CHRM3: variants seen among roughly 807,000 people sequenced by gnomAD.
CHRM3 encodes the protein muscarinic acetylcholine receptor M3.
A neutral mutation model predicts 41.8 loss-of-function variants in CHRM3; 11 were observed. That is an observed-to-expected ratio of 0.26 (90% CI 0.17 to 0.44). CHRM3 has a LOEUF of 0.44. Ranked by LOEUF, CHRM3 falls within the 20% of genes least tolerant of loss-of-function variation. The pLI is 1.00. For synonymous variants in CHRM3, 297 were observed against 301.4 expected, an observed-to-expected ratio of 0.99 and a Z score of 0.15; for missense variants, 571 against 745.4, an observed-to-expected ratio of 0.77 and a Z score of 2.72.
At chr1:239,665,905 TC>T (rs1388223058) in intron 4 of CHRM3, among the ~76,000 whole-genome samples, 1 of 152,230 alleles carries the variant, frequency 6.6e-6, no homozygotes, top group Non-Finnish European at 1.5e-5. Flanking sequence ...ATTTTCTTTA[TC>T]CAATCTATCA....
chr1:239,878,510 T>A (rs1198076863), intron 6 of CHRM3, among the ~76,000 whole-genome samples: 1 of 151,964 alleles, frequency 6.6e-6, no homozygotes, highest in Non-Finnish European at 1.5e-5. Flanking sequence ...GTGGCCCAGT[T>A]CCTAACAGGC....
At chr1:239,457,294 C>G (rs1362580816) in intron 1 of CHRM3, among the ~76,000 whole-genome samples, 1 of 152,130 alleles carries the variant, frequency 6.6e-6, no homozygotes, top group Admixed American at 6.5e-5. Flanking sequence ...ATAAACCTCT[C>G]AATATGATGC....
intron 5 of CHRM3, among the ~76,000 whole-genome samples, chr1:239,722,777 T>C (rs1572098686): frequency 1.3e-5 from 2 of 152,088 alleles, no homozygotes; most frequent in South Asian, 4.1e-4. Flanking sequence ...TATGCATTTA[T>C]GGTTAAGAAC....
At chr1:239,702,756 A>G (rs1166129504) in intron 5 of CHRM3, among the ~76,000 whole-genome samples, 1 of 152,350 alleles carries the variant, frequency 6.6e-6, no homozygotes, top group East Asian at 1.9e-4. Context: ...GATTATAGGC[A>G]TGTGCCACCA....
At chr1:239,476,188 G>C (rs1251685357) in intron 1 of CHRM3, among the ~76,000 whole-genome samples, 6 of 152,040 alleles carry the variant, frequency 3.9e-5, no homozygotes, top group Admixed American at 3.9e-4. Context: ...TGGTCTGGCC[G>C]GGCACGGTGG....
chr1:239,688,627 A>AATATATAAT (rs1349296998), intron 5 of CHRM3, among the ~76,000 whole-genome samples: 1 of 132,848 alleles, frequency 7.5e-6, no homozygotes, highest in Non-Finnish European at 1.6e-5. Context: ...TACTCAGTAT[A>AATATATAAT]ATACATAATA....
At chr1:239,855,726 A>C (rs1341680641) in intron 6 of CHRM3, among the ~76,000 whole-genome samples, 1 of 152,158 alleles carries the variant, frequency 6.6e-6, no homozygotes, top group Admixed American at 6.5e-5. Flanking sequence ...AAGCATTTTC[A>C]TACATAATGA....
At chr1:239,520,091 T>A (rs557365759) in intron 2 of CHRM3, among the ~76,000 whole-genome samples, 1 of 152,332 alleles carries the variant, frequency 6.6e-6, no homozygotes, top group Non-Finnish European at 1.5e-5. Context: ...AAATACCAAA[T>A]GTTTAACTCA....
At chr1:239,803,512 T>C (rs150978171) in intron 5 of CHRM3, among the ~76,000 whole-genome samples, 6 of 152,304 alleles carry the variant, frequency 3.9e-5, no homozygotes, top group African/African-American at 1.4e-4. Context: ...ATTATATCAG[T>C]ATGTTAGGCA....
chr1:239,525,809 G>T (rs1669957235), intron 2 of CHRM3, among the ~76,000 whole-genome samples: 1 of 152,324 alleles, frequency 6.6e-6, no homozygotes, highest in African/African-American at 2.4e-5. Flanking sequence ...GTAGGCAAAA[G>T]ATGTAAATGC....
At chr1:239,766,467 C>A (rs986446340) in intron 5 of CHRM3, among the ~76,000 whole-genome samples, 1 of 152,006 alleles carries the variant, frequency 6.6e-6, no homozygotes, top group Non-Finnish European at 1.5e-5. Context: ...ATACAACAAA[C>A]CCCCATGACA....
At chr1:239,496,537 GTGTGTGTA>G (rs1558266961) in intron 2 of CHRM3, among the ~76,000 whole-genome samples, 1 of 138,882 alleles carries the variant, frequency 7.2e-6, no homozygotes, top group Non-Finnish European at 1.6e-5. Context: ...GTGTGTGTGT[GTGTGTGTA>G]TAATTATATA....
intron 2 of CHRM3, among the ~76,000 whole-genome samples, chr1:239,509,809 C>T (rs1668802025): frequency 6.6e-6 from 1 of 152,076 alleles, no homozygotes; most frequent in Non-Finnish European, 1.5e-5. Context: ...TTTTAAGGGC[C>T]AGGTGTGTTG....
chr1:239,539,825 C>G (rs1036423351), intron 2 of CHRM3, among the ~76,000 whole-genome samples: 1 of 152,054 alleles, frequency 6.6e-6, no homozygotes, highest in African/African-American at 2.4e-5. Flanking sequence ...CCATGTTGCC[C>G]AAGCAGGTCT....
At chr1:239,814,522 T>C (rs1318548147) in intron 5 of CHRM3, among the ~76,000 whole-genome samples, 2 of 152,316 alleles carry the variant, frequency 1.3e-5, no homozygotes, top group East Asian at 3.9e-4. Context: ...CTTTCCTCTG[T>C]GGTAACTGTC....
intron 4 of CHRM3, among the ~76,000 whole-genome samples, chr1:239,654,772 A>T (rs531691987): frequency 6.6e-6 from 1 of 152,210 alleles, no homozygotes; most frequent in Non-Finnish European, 1.5e-5. Flanking sequence ...GCGTCCATGA[A>T]TGAGTTGGAA....
chr1:239,860,303 A>C (rs1262751763), intron 6 of CHRM3, among the ~76,000 whole-genome samples: 1 of 152,224 alleles, frequency 6.6e-6, no homozygotes, highest in Non-Finnish European at 1.5e-5. Flanking sequence ...ACTGTAAGCT[A>C]TAAAAGTACT....
At chr1:239,896,187 GGAC>G (rs1437732034) in intron 6 of CHRM3, among the ~76,000 whole-genome samples, 1 of 152,150 alleles carries the variant, frequency 6.6e-6, no homozygotes, top group Non-Finnish European at 1.5e-5. Flanking sequence ...AGTGCATCGG[GGAC>G]ATAGGCTCTT....
intron 4 of CHRM3, among the ~76,000 whole-genome samples, chr1:239,671,315 C>T (rs1460669555): frequency 6.6e-6 from 1 of 152,172 alleles, no homozygotes; most frequent in Non-Finnish European, 1.5e-5. Flanking sequence ...CAGTGGCTCA[C>T]CCTGTAATCC....
Sources: gnomAD v4.1 joint callset for allele counts (sites outside exome capture counted in the v4.1 genomes callset) on GRCh38, gnomAD v4.1.1 for gene constraint, MANE v1.5 for transcripts, NCBI Gene and HGNC (gene_info 2026-07-23, HGNC 2026-07-21) for gene names.